Variants in TAFA1 observed in about 807,000 individuals in gnomAD.
The protein encoded by TAFA1 is TAFA chemokine like family member 1.
TAFA1 carries 4 observed loss-of-function variants against 18.5 expected under a neutral mutation model. That is an observed-to-expected ratio of 0.22 (90% CI 0.11 to 0.49). The LOEUF is 0.49. Among genes scored for constraint, TAFA1 ranks in the 20% least tolerant of loss-of-function variants. The probability of loss-of-function intolerance (pLI) is 0.98; values close to 1 mark genes in which losing one functional copy is unlikely to be tolerated. For missense variants in TAFA1, 147 were observed against 169.0 expected, an observed-to-expected ratio of 0.87 and a Z score of 0.72; for synonymous variants, 56 against 55.2, an observed-to-expected ratio of 1.01 and a Z score of -0.06.
At chr3:68,102,106 T>C (rs530488007) in intron 2 of TAFA1, among the ~76,000 whole-genome samples, 3 of 152,300 alleles carry the variant, frequency 2.0e-5, no homozygotes, top group Admixed American at 6.5e-5. Context: ...GATACCTTTT[T>C]GACATTTTGA....
chr3:68,396,222 T>A (rs1182071576), intron 2 of TAFA1, among the ~76,000 whole-genome samples: 1 of 152,124 alleles, frequency 6.6e-6, no homozygotes, highest in African/African-American at 2.4e-5. Flanking sequence ...AGACAAATTT[T>A]AAAAATTGAA....
chr3:68,402,988 G>A (rs933672841), intron 2 of TAFA1, among the ~76,000 whole-genome samples: 19 of 152,138 alleles, frequency 1.2e-4, no homozygotes, highest in Non-Finnish European at 2.1e-4. Context: ...TTCAGTTAAC[G>A]ACAGACCTAT....
chr3:68,290,747 T>C (rs887093913), intron 2 of TAFA1, among the ~76,000 whole-genome samples: 4 of 152,182 alleles, frequency 2.6e-5, no homozygotes, highest in African/African-American at 7.2e-5. Flanking sequence ...ATTGCTGCTT[T>C]AAAAAGAATG....
At chr3:68,209,623 C>A (rs182975354) in intron 2 of TAFA1, among the ~76,000 whole-genome samples, 1 of 152,002 alleles carries the variant, frequency 6.6e-6, no homozygotes, top group Non-Finnish European at 1.5e-5. Flanking sequence ...TTTCTGGCTT[C>A]CAATGTGTTT....
chr3:68,527,018 T>A (rs1407435186), intron 3 of TAFA1, among the ~76,000 whole-genome samples: 1 of 152,200 alleles, frequency 6.6e-6, no homozygotes. Flanking sequence ...ACAAGGTATA[T>A]ACAGTAAGAC....
chr3:68,355,782 C>T (rs1021356715), intron 2 of TAFA1, among the ~76,000 whole-genome samples: 4 of 151,870 alleles, frequency 2.6e-5, no homozygotes, highest in African/African-American at 7.3e-5. Flanking sequence ...TTCTTATGTT[C>T]AAAGCTAGAA....
At chr3:68,506,940 G>T (rs1357270172) in intron 3 of TAFA1, among the ~76,000 whole-genome samples, 1 of 151,538 alleles carries the variant, frequency 6.6e-6, no homozygotes, top group East Asian at 1.9e-4. Flanking sequence ...GGCTGGAAGG[G>T]TGTTTATTAT....
At chr3:68,176,075 T>C (rs12635049) in intron 2 of TAFA1, among the ~76,000 whole-genome samples, 1 of 152,360 alleles carries the variant, frequency 6.6e-6, no homozygotes, top group East Asian at 1.9e-4. Context: ...TCTGCCATGA[T>C]TGTGAGACCT....
chr3:68,388,292 G>C (rs1236432012), intron 2 of TAFA1, among the ~76,000 whole-genome samples: 4 of 151,964 alleles, frequency 2.6e-5, no homozygotes, highest in Non-Finnish European at 5.9e-5. Flanking sequence ...AAAGAAAAAA[G>C]ATTGCATTCA....
chr3:68,374,200 C>T (rs1260362583), intron 2 of TAFA1, among the ~76,000 whole-genome samples: 4 of 152,120 alleles, frequency 2.6e-5, no homozygotes, highest in South Asian at 2.1e-4. Flanking sequence ...CAGTCAGATG[C>T]GTGTGAGAAT....
intron 2 of TAFA1, among the ~76,000 whole-genome samples, chr3:68,213,813 G>A (rs2066622534): frequency 6.6e-6 from 1 of 152,068 alleles, no homozygotes; most frequent in African/African-American, 2.4e-5. Flanking sequence ...TACCATTGGA[G>A]CCAGTGGGAA....
At chr3:67,991,877 CTA>C in the TAFA1 span, among the ~76,000 whole-genome samples, 1 of 152,206 alleles carries the variant, frequency 6.6e-6, no homozygotes, top group East Asian at 1.9e-4. Flanking sequence ...TCTATATCAT[CTA>C]TCTATATCTA....
chr3:68,382,264 C>A (rs1383698948), intron 2 of TAFA1, among the ~76,000 whole-genome samples: 1 of 152,134 alleles, frequency 6.6e-6, no homozygotes, highest in Non-Finnish European at 1.5e-5. Context: ...CTCTGCCAGG[C>A]TTTGGTATCA....
chr3:68,518,801 G>A (rs2072969469), intron 3 of TAFA1, among the ~76,000 whole-genome samples: 1 of 152,076 alleles, frequency 6.6e-6, no homozygotes, highest in Non-Finnish European at 1.5e-5. Context: ...ATAAACCCAA[G>A]TACCACAACC....
chr3:68,256,698 A>T (rs1274058382), intron 2 of TAFA1, among the ~76,000 whole-genome samples: 1 of 152,132 alleles, frequency 6.6e-6, no homozygotes, highest in African/African-American at 2.4e-5. Flanking sequence ...AGCAAATTTG[A>T]TTCTAGGGTT....
intron 2 of TAFA1, among the ~76,000 whole-genome samples, chr3:68,097,218 G>T (rs186037127): frequency 1.2e-4 from 18 of 152,212 alleles, no homozygotes; most frequent in Admixed American, 1.2e-3. Context: ...TCACTTGATT[G>T]TAATTACAGA....
At chr3:68,107,933 T>TA (rs1397315190) in intron 2 of TAFA1, among the ~76,000 whole-genome samples, 1 of 152,098 alleles carries the variant, frequency 6.6e-6, no homozygotes, top group Non-Finnish European at 1.5e-5. Flanking sequence ...CTAATTCTGT[T>TA]AAATACTTGT....
At chr3:68,095,497 C>T (rs1430399386) in intron 2 of TAFA1, among the ~76,000 whole-genome samples, 1 of 152,102 alleles carries the variant, frequency 6.6e-6, no homozygotes, top group African/African-American at 2.4e-5. Context: ...GACCCACTTT[C>T]CATGGTGTTA....
At chr3:68,209,382 A>G (rs1179208184) in intron 2 of TAFA1, among the ~76,000 whole-genome samples, 2 of 152,098 alleles carry the variant, frequency 1.3e-5, no homozygotes, top group African/African-American at 2.4e-5. Context: ...TCCATGCAGA[A>G]TATTACATTA....
Sources: allele counts gnomAD v4.1 joint callset (sites outside exome capture counted in the v4.1 genomes callset), GRCh38; gene constraint gnomAD v4.1.1; transcripts MANE v1.5; gene names NCBI Gene and HGNC (gene_info 2026-07-23, HGNC 2026-07-21).